Variants in EFHD1 observed in about 807,000 individuals in gnomAD.
EFHD1 encodes the protein EF-hand domain family member D1.
In EFHD1, 10 loss-of-function variants were observed where a neutral mutation model predicts 17.2. The observed-to-expected ratio is 0.58, with a 90% CI of 0.36 to 0.99. The LOEUF (loss-of-function observed/expected upper bound fraction) is 0.99. EFHD1 is among the 50% of genes least tolerant of loss of function. The probability of loss-of-function intolerance (pLI) is 0.01; values close to 1 mark genes in which losing one functional copy is unlikely to be tolerated. For missense variants in EFHD1, 310 were observed against 327.5 expected, an observed-to-expected ratio of 0.95 and a Z score of 0.41; for synonymous variants, 153 against 142.0, an observed-to-expected ratio of 1.08 and a Z score of -0.55.
intron 1 of EFHD1, among the ~76,000 whole-genome samples, chr2:232,646,328 A>G (rs1694526143): frequency 6.6e-6 from 1 of 151,316 alleles, no homozygotes; most frequent in African/African-American, 2.4e-5. Flanking sequence ...ACTGAGCTGA[A>G]TGGCCCCCAC....
At chr2:232,664,225 A>G (rs934536781) in intron 2 of EFHD1, among the ~76,000 whole-genome samples, 3 of 151,920 alleles carry the variant, frequency 2.0e-5, no homozygotes, top group African/African-American at 4.8e-5. Flanking sequence ...TGCAGCCTCA[A>G]ACTCCCAGTA....
At chr2:232,622,873 A>C (rs939218776) in intron 1 of EFHD1, among the ~76,000 whole-genome samples, 2 of 152,208 alleles carry the variant, frequency 1.3e-5, no homozygotes, top group Non-Finnish European at 2.9e-5. Flanking sequence ...CATGAGATAA[A>C]GTAATGTAAA....
chr2:232,636,496 A>G (rs1024019963), intron 1 of EFHD1, among the ~76,000 whole-genome samples: 3 of 152,192 alleles, frequency 2.0e-5, no homozygotes, highest in Non-Finnish European at 2.9e-5. Context: ...TTTAGCCCCT[A>G]ATTTTTAGAT....
At chr2:232,621,320 G>A (rs1215483525) in intron 1 of EFHD1, among the ~76,000 whole-genome samples, 2 of 152,126 alleles carry the variant, frequency 1.3e-5, no homozygotes, top group Non-Finnish European at 2.9e-5. Context: ...AACCTCAGCC[G>A]CCACCTGTGC....
At chr2:232,650,503 A>T (rs1694626278) in intron 1 of EFHD1, among the ~76,000 whole-genome samples, 1 of 129,464 alleles carries the variant, frequency 7.7e-6, no homozygotes, top group African/African-American at 3.1e-5. Flanking sequence ...CATGTTGGCC[A>T]GGCTGGTCTC....
chr2:232,656,341 T>C (rs570188275), intron 1 of EFHD1, among the ~76,000 whole-genome samples: 1 of 152,090 alleles, frequency 6.6e-6, no homozygotes, highest in African/African-American at 2.4e-5. Flanking sequence ...CCTGAAGGTG[T>C]GGTCACAGTT....
At chr2:232,681,183 T>TA (rs754784752) in intron 3 of EFHD1, among the ~76,000 whole-genome samples, 5 of 151,512 alleles carry the variant, frequency 3.3e-5, no homozygotes, top group African/African-American at 9.7e-5. Context: ...AAATAAAAAA[T>TA]AAAAAAAATA....
chr2:232,679,727 A>AG (rs1695241096), intron 3 of EFHD1, among the ~76,000 whole-genome samples: 1 of 151,892 alleles, frequency 6.6e-6, no homozygotes, highest in Admixed American at 6.6e-5. Flanking sequence ...TAAAAAAAAA[A>AG]AAAAAAAGGA....
Position 232,681,606 on chromosome 2 carries a change from A to G in EFHD1, c.607A>G (p.Ser203Gly). The G allele has an allele frequency of 6.2e-7, 1 of 1,614,140 alleles. No individual in the cohort carries two copies. Among genetic ancestry groups the G allele is most frequent in the Non-Finnish European group, 8.5e-7 (1 of 1,180,008 alleles). The change falls in exon 4 of 4, where the codon AGT (serine) becomes GGT (glycine). Residue 203 changes from serine to glycine, a missense_variant. Coordinates refer to ENST00000264059, the MANE Select transcript of EFHD1 (RefSeq NM_025202.4). ...GCAGGTCCAAGCCTTGTCATCGGCC[A>G]GTAAGTTTGAAGCAGAGTTGAAAGC... ...EAKVQALSSA[S>G]KFEAELKAEQ... is the part of the protein sequence containing the mutation.
chr2:232,664,307 T>A (rs1190169498), intron 2 of EFHD1, among the ~76,000 whole-genome samples: 30 of 151,360 alleles, frequency 2.0e-4, no homozygotes, highest in Admixed American at 2.0e-3. Flanking sequence ...CCCGGCTAAT[T>A]GAAAAAATTT....
At chr2:232,674,197 G>A (rs765665114) in intron 3 of EFHD1, among the ~76,000 whole-genome samples, 7 of 152,178 alleles carry the variant, frequency 4.6e-5, no homozygotes, top group Non-Finnish European at 7.3e-5. Flanking sequence ...GTGAGCCACC[G>A]CACCCATGCA....
chr2:232,653,935 G>A (rs183658502), intron 1 of EFHD1, among the ~76,000 whole-genome samples: 21 of 152,198 alleles, frequency 1.4e-4, no homozygotes, highest in Admixed American at 1.2e-3. Context: ...GGCCAGGCCC[G>A]GTGGCTCAGG....
intron 1 of EFHD1, among the ~76,000 whole-genome samples, chr2:232,618,268 C>A (rs992915527): frequency 6.6e-6 from 1 of 152,030 alleles, no homozygotes; most frequent in Non-Finnish European, 1.5e-5. Context: ...GATCCACCTG[C>A]CTTGGCCTCC....
chr2:232,667,708 A>G (rs578105019), intron 2 of EFHD1, among the ~76,000 whole-genome samples: 1 of 152,082 alleles, frequency 6.6e-6, no homozygotes, highest in Non-Finnish European at 1.5e-5. Flanking sequence ...ATGCGGCACC[A>G]CACCCGGCTA....
intron 1 of EFHD1, among the ~76,000 whole-genome samples, chr2:232,639,035 A>G (rs1694374160): frequency 6.6e-6 from 1 of 152,192 alleles, no homozygotes; most frequent in Admixed American, 6.5e-5. Context: ...TTTACTTGCC[A>G]GCACGCATGA....
rs534910898 is a variant in EFHD1 at position 232,667,560 on chromosome 2, T to A, written c.450+4611T>A. On this transcript the variant is annotated intron_variant, in intron 2 of 3. Coordinates refer to ENST00000264059, the MANE Select transcript of EFHD1 (RefSeq NM_025202.4). ...TAATTAATTTATTTATTTATTTATT[T>A]ATTTATTTTGAGACGGAGTTTTGCT... is the stretch of plus-strand genomic sequence containing the variant. 1.6e-4 allele frequency among the ~76,000 whole-genome samples: 24 copies of A among 151,928 alleles called. No homozygotes were observed. In the South Asian group the frequency reaches 4.8e-3, roughly 30 times the overall value.
In EFHD1 at chr2:232,681,749, T is replaced by C. The variant is rs551235801; in HGVS notation, c.*30T>C. 6.2e-7 allele frequency: 1 copy of C among 1,608,338 alleles called. No homozygotes were observed. Among genetic ancestry groups the C allele is most frequent in the South Asian group, 1.1e-5 (1 of 90,146 alleles). The stretch of plus-strand genomic sequence containing the variant: ...GCTGACCTTGCCCTCTGCCCACAGC[T>C]GTGCCTCACAGATGCCCCGAGAAGA... On this transcript the variant is annotated 3_prime_UTR_variant, in exon 4 of 4. Coordinates refer to ENST00000264059, the MANE Select transcript of EFHD1 (RefSeq NM_025202.4).
At chr2:232,610,602 G>C (rs1262967206) in intron 1 of EFHD1, 6 of 152,574 alleles carry the variant, frequency 3.9e-5, no homozygotes, top group Admixed American at 3.9e-4. Context: ...GGCTGGCAGG[G>C]CATGGTGGCT....
intron 2 of EFHD1, among the ~76,000 whole-genome samples, chr2:232,666,481 G>C (rs1469850620): frequency 6.6e-6 from 1 of 152,242 alleles, no homozygotes; most frequent in Non-Finnish European, 1.5e-5. Flanking sequence ...AGCTGAGAGG[G>C]TGTTTCGTGG....
Sources: allele counts gnomAD v4.1 joint callset (sites outside exome capture counted in the v4.1 genomes callset), GRCh38; gene constraint gnomAD v4.1.1; transcripts MANE v1.5; gene names NCBI Gene and HGNC (gene_info 2026-07-23, HGNC 2026-07-21).